The following CELF2 variants were observed in gnomAD, a reference collection of about 807,000 sequenced individuals.
CELF2 encodes the protein CUGBP Elav-like family member 2.
Under a neutral mutation model 62.6 loss-of-function variants are expected in CELF2, and 8 were observed. That is an observed-to-expected ratio of 0.13 (90% CI 0.07 to 0.23). CELF2 has a LOEUF of 0.23. Ranked by LOEUF, CELF2 falls within the 10% of genes least tolerant of loss-of-function variation. CELF2 has a pLI of 1.00. For synonymous variants in CELF2, 258 were observed against 250.0 expected (o/e 1.03, Z -0.30); for missense variants, 333 against 671.0 (o/e 0.50, Z 5.56).
intron 1 of CELF2, among the ~76,000 whole-genome samples, chr10:11,097,018 G>T (rs1273999168): frequency 6.6e-6 from 1 of 152,108 alleles, no homozygotes; most frequent in Non-Finnish European, 1.5e-5. Flanking sequence ...AAAAACAATA[G>T]GAAACGAAGA....
chr10:11,307,816 C>G (rs1219025443), intron 9 of CELF2, among the ~76,000 whole-genome samples: 1 of 152,128 alleles, frequency 6.6e-6, no homozygotes, highest in East Asian at 1.9e-4. Flanking sequence ...TGGGGCTGGG[C>G]CAGGACCCTT....
At position 11,300,174 on chromosome 10, in the gene CELF2, C is replaced by T. The variant is rs910107623; in HGVS notation, c.976+11622C>T. 6.6e-6 allele frequency among the ~76,000 whole-genome samples: 1 copy of T among 152,208 alleles called. No homozygotes were observed. Among genetic ancestry groups the T allele is most frequent in the African/African-American group, 2.4e-5 (1 of 41,446 alleles). On this transcript the variant is annotated intron_variant, in intron 9 of 12. Transcript: ENST00000633077. The surrounding 1 kb of genome is among the most constrained non-coding windows in gnomAD (Gnocchi z 5.5). ...GCTTCCACAAGCCTTTGGGAATGAA[C>T]ATTAAAGGAGTGGAAACAGGACAGC...
At chr10:11,161,162 T>A (rs76351084) in intron 1 of CELF2, among the ~76,000 whole-genome samples, 1 of 152,362 alleles carries the variant, frequency 6.6e-6, no homozygotes, top group African/African-American at 2.4e-5. Flanking sequence ...AAGTAAGCAC[T>A]CATCGTTTTT....
At chr10:11,087,761 G>A (rs879663156) in intron 1 of CELF2, among the ~76,000 whole-genome samples, 1 of 152,152 alleles carries the variant, frequency 6.6e-6, no homozygotes, top group Non-Finnish European at 1.5e-5. Context: ...GCTAGCAAAT[G>A]TCCTTCTACA....
intron 1 of CELF2, among the ~76,000 whole-genome samples, chr10:10,883,145 C>T (rs1176203545): frequency 6.6e-6 from 1 of 152,148 alleles, no homozygotes; most frequent in African/African-American, 2.4e-5. Flanking sequence ...AATCTAGTAA[C>T]AGACCCATGT....
At chr10:10,926,268 T>C (rs1448708608) in intron 2 of CELF2, among the ~76,000 whole-genome samples, 2 of 152,088 alleles carry the variant, frequency 1.3e-5, no homozygotes, top group African/African-American at 4.8e-5. Flanking sequence ...AGGGCTCTGA[T>C]GTCATGAGCG....
intron 1 of CELF2, among the ~76,000 whole-genome samples, chr10:11,133,116 C>T (rs2059864918): frequency 6.6e-6 from 1 of 152,152 alleles, no homozygotes. Context: ...ACGCTAGCAT[C>T]ATTTCATCGT....
upstream of CELF2, chr10:10,798,369 A>C (rs907295289): frequency 1.8e-5 from 3 of 169,636 alleles, no homozygotes; most frequent in African/African-American, 7.1e-5. Context: ...AGCTTGCAGT[A>C]ATCTGCGAAT....
At chr10:11,326,453 T>C (rs1287216766) in intron 12 of CELF2, among the ~76,000 whole-genome samples, 5 of 152,210 alleles carry the variant, frequency 3.3e-5, no homozygotes, top group African/African-American at 9.7e-5. Flanking sequence ...CACGGTTACA[T>C]AGCACGCTGC....
the CELF2 span, among the ~76,000 whole-genome samples, chr10:10,708,428 A>G: frequency 6.6e-6 from 1 of 152,220 alleles, no homozygotes; most frequent in Non-Finnish European, 1.5e-5. Context: ...CCTTGGGACA[A>G]GGGCAATGAC....
intron 1 of CELF2, among the ~76,000 whole-genome samples, chr10:11,091,558 A>T (rs1424105095): frequency 2.0e-5 from 3 of 152,228 alleles, no homozygotes; most frequent in Non-Finnish European, 2.9e-5. Flanking sequence ...TTTGTGAGGA[A>T]ATACTACGTT....
At chr10:10,960,974 G>A (rs536848694) in intron 2 of CELF2, among the ~76,000 whole-genome samples, 8 of 152,342 alleles carry the variant, frequency 5.3e-5, no homozygotes, top group Admixed American at 2.0e-4. Context: ...AGGTTAAAGA[G>A]GACATGAGGA....
At chr10:10,648,491 G>T in the CELF2 span, among the ~76,000 whole-genome samples, 3 of 152,154 alleles carry the variant, frequency 2.0e-5, no homozygotes, top group Non-Finnish European at 2.9e-5. Context: ...GGACAGGAAG[G>T]GTTGCAGTAG....
At chr10:10,664,890 C>G in the CELF2 span, among the ~76,000 whole-genome samples, 1 of 152,218 alleles carries the variant, frequency 6.6e-6, no homozygotes, top group Non-Finnish European at 1.5e-5. Context: ...GAGGTATTCA[C>G]ATTTACTGTT....
At chr10:11,040,840 A>AT (rs1234697580) in intron 1 of CELF2, among the ~76,000 whole-genome samples, 1 of 151,982 alleles carries the variant, frequency 6.6e-6, no homozygotes, top group Non-Finnish European at 1.5e-5. Flanking sequence ...TATTTTCAAT[A>AT]TTTTTCCATT....
intron 1 of CELF2, among the ~76,000 whole-genome samples, chr10:11,086,565 C>T (rs1461843315): frequency 8.4e-6 from 1 of 119,686 alleles, no homozygotes; most frequent in Non-Finnish European, 1.6e-5. Context: ...TCCATGTCTC[C>T]ATTTGCATTT....
intron 1 of CELF2, among the ~76,000 whole-genome samples, chr10:11,081,308 G>A (rs1013952432): frequency 3.3e-5 from 5 of 152,194 alleles, no homozygotes; most frequent in Non-Finnish European, 5.9e-5. Flanking sequence ...GGGGGAGGAA[G>A]AAAGAAGCCT....
intron 1 of CELF2, among the ~76,000 whole-genome samples, chr10:11,055,466 G>C (rs1010279782): frequency 6.6e-6 from 1 of 152,224 alleles, no homozygotes; most frequent in African/African-American, 2.4e-5. Flanking sequence ...TAGTTTTAAT[G>C]TGGAGACACA....
At chr10:11,094,217 T>G (rs1367333906) in intron 1 of CELF2, among the ~76,000 whole-genome samples, 1 of 152,238 alleles carries the variant, frequency 6.6e-6, no homozygotes, top group Non-Finnish European at 1.5e-5. Context: ...GAACATTAAC[T>G]TTACGCTAAG....
Sources: gnomAD v4.1 joint callset for allele counts (sites outside exome capture counted in the v4.1 genomes callset) on GRCh38, gnomAD v4.1.1 for gene constraint, Gnocchi (gnomAD v3.1) non-coding constraint, MANE v1.5 for transcripts, NCBI Gene and HGNC (gene_info 2026-07-23, HGNC 2026-07-21) for gene names.